Variants in TNKS observed in about 807,000 individuals in gnomAD.
The protein encoded by TNKS is poly [ADP-ribose] polymerase tankyrase-1.
TNKS carries 72 observed loss-of-function variants against 135.8 expected under a neutral mutation model. The ratio of observed to expected loss-of-function variants is 0.53; its 90% confidence interval spans 0.44 to 0.64. The LOEUF (loss-of-function observed/expected upper bound fraction) is 0.64. TNKS is among the 30% of genes least tolerant of loss of function. The pLI is 0.00. For synonymous variants in TNKS, 849 were observed against 649.3 expected (o/e 1.31, Z -4.68); for missense variants, 1,769 against 1,674.0 (o/e 1.06, Z -0.99).
At chr8:9,648,338 G>A (rs1452691547) in intron 3 of TNKS, among the ~76,000 whole-genome samples, 2 of 151,580 alleles carry the variant, frequency 1.3e-5, no homozygotes, top group South Asian at 4.2e-4. Flanking sequence ...AAAACACATT[G>A]TACAGCTGTA....
intron 12 of TNKS, among the ~76,000 whole-genome samples, chr8:9,723,172 G>A (rs1401840911): frequency 7.1e-6 from 1 of 141,826 alleles, no homozygotes. Flanking sequence ...TTTTTGTAAT[G>A]GGAATTGTTT....
At chr8:9,661,652 A>T (rs1017392972) in intron 3 of TNKS, among the ~76,000 whole-genome samples, 3 of 152,212 alleles carry the variant, frequency 2.0e-5, no homozygotes, top group Non-Finnish European at 4.4e-5. Context: ...CCTAGGCAAT[A>T]CCATTCGGGA....
At chr8:9,615,358 A>G in intron 2 of TNKS, 1 of 359,948 alleles carries the variant, frequency 2.8e-6, no homozygotes, top group East Asian at 4.7e-5. Flanking sequence ...CATGTTTATG[A>G]TGTTAAGTCA....
At chr8:9,736,350 T>TAAAAAAAAAAAAAAAAAAAAA (rs1204895063) in intron 17 of TNKS, among the ~76,000 whole-genome samples, 1 of 87,472 alleles carries the variant, frequency 1.1e-5, no homozygotes, top group African/African-American at 4.2e-5. Context: ...AGACCTCATC[T>TAAAAAAAAAAAAAAAAAAAAA]AAAAAAAAAA....
intron 2 of TNKS, among the ~76,000 whole-genome samples, chr8:9,583,584 G>T (rs1474233896): frequency 6.6e-6 from 1 of 151,944 alleles, no homozygotes; most frequent in Non-Finnish European, 1.5e-5. Context: ...TGCCTCCTGG[G>T]TTCAAGTGAT....
intron 2 of TNKS, among the ~76,000 whole-genome samples, chr8:9,614,119 T>G (rs182561130): frequency 3.5e-4 from 54 of 152,328 alleles, no homozygotes; most frequent in African/African-American, 1.2e-3. Context: ...AGACCTTTTA[T>G]AAGCCAAATC....
At chr8:9,713,779 C>G (rs1804449616) in intron 11 of TNKS, among the ~76,000 whole-genome samples, 2 of 152,200 alleles carry the variant, frequency 1.3e-5, no homozygotes, top group Admixed American at 1.3e-4. Flanking sequence ...GTTGGTGTAT[C>G]TGGTGATTAA....
intron 3 of TNKS, among the ~76,000 whole-genome samples, chr8:9,622,125 TATG>T (rs1799889302): frequency 2.0e-5 from 3 of 152,242 alleles, no homozygotes; most frequent in Non-Finnish European, 4.4e-5. Flanking sequence ...ATTTTTAAAA[TATG>T]AAGACAATTT....
At chr8:9,652,611 C>A (rs1309892903) in intron 3 of TNKS, among the ~76,000 whole-genome samples, 1 of 152,064 alleles carries the variant, frequency 6.6e-6, no homozygotes, top group Non-Finnish European at 1.5e-5. Context: ...AATATTAATT[C>A]TTTTCATCAA....
At chr8:9,559,244 T>C (rs1797225759) in intron 1 of TNKS, among the ~76,000 whole-genome samples, 1 of 152,164 alleles carries the variant, frequency 6.6e-6, no homozygotes, top group African/African-American at 2.4e-5. Context: ...ATACTGTCTG[T>C]CCCAATATGT....
chr8:9,665,491 C>T (rs1801942921), intron 3 of TNKS, among the ~76,000 whole-genome samples: 3 of 152,156 alleles, frequency 2.0e-5, no homozygotes, highest in South Asian at 4.1e-4. Flanking sequence ...TCACCAATGC[C>T]TTTGGTCCCT....
chr8:9,665,707 A>T (rs561804799), intron 3 of TNKS, among the ~76,000 whole-genome samples: 1 of 152,128 alleles, frequency 6.6e-6, no homozygotes, highest in Non-Finnish European at 1.5e-5. Context: ...GTTAACCTCT[A>T]CTGGTCTCTT....
At chr8:9,633,455 C>G (rs1800374217) in intron 3 of TNKS, among the ~76,000 whole-genome samples, 1 of 152,140 alleles carries the variant, frequency 6.6e-6, no homozygotes, top group Non-Finnish European at 1.5e-5. Context: ...AAACAAAGTA[C>G]AAAAGATTGT....
At chr8:9,752,706 C>G (rs374584986) in intron 20 of TNKS, 80 bp downstream of exon 20, 52 of 968,640 alleles carry the variant, frequency 5.4e-5, no homozygotes, top group East Asian at 3.0e-4. Flanking sequence ...CACCTTACTC[C>G]CAACACTTTG....
chr8:9,603,652 A>C (rs572308664), intron 2 of TNKS, among the ~76,000 whole-genome samples: 5 of 152,230 alleles, frequency 3.3e-5, no homozygotes, highest in Non-Finnish European at 5.9e-5. Flanking sequence ...TAGGCTGTAC[A>C]TGATATGATG....
rs745358346 is a variant in TNKS, at chr8:9,556,183, G to A, written c.244G>A (p.Asp82Asn). The A allele has an allele frequency of 6.2e-7, 1 of 1,613,008 alleles. No individual in the cohort carries two copies. Among genetic ancestry groups the A allele is most frequent in the East Asian group, 2.2e-5 (1 of 44,854 alleles). Residue 82 changes from aspartate to asparagine, a missense_variant, in exon 1 of 27, where the codon GAC (aspartate) becomes AAC (asparagine). Physicochemically the swap from Asp to Asn is conservative, Grantham distance 23. Transcript: ENST00000310430. ...RDPPDRPRSP[D>N]PVDGTSCCST... is the part of the protein sequence containing the mutation. ...TCCGCCCGACAGGCCCCGATCCCCG[G>A]ACCCGGTTGACGGTACCAGCTGTTG...
intron 5 of TNKS, among the ~76,000 whole-genome samples, chr8:9,687,699 C>T (rs1316766502): frequency 6.6e-6 from 1 of 152,138 alleles, no homozygotes; most frequent in Non-Finnish European, 1.5e-5. Context: ...TAGCCACTCT[C>T]CTAGCTTTGA....
chr8:9,664,432 C>CA (rs1302997693), intron 3 of TNKS, among the ~76,000 whole-genome samples: 1 of 152,196 alleles, frequency 6.6e-6, no homozygotes, highest in Non-Finnish European at 1.5e-5. Flanking sequence ...CTCCATGACT[C>CA]AGACACCTCT....
chr8:9,632,196 T>G (rs1800317274), intron 3 of TNKS, among the ~76,000 whole-genome samples: 1 of 152,240 alleles, frequency 6.6e-6, no homozygotes, highest in Admixed American at 6.5e-5. Context: ...AAAGTTGTAC[T>G]TTAAACCACT....
Sources: allele counts gnomAD v4.1 joint callset (sites outside exome capture counted in the v4.1 genomes callset), GRCh38; gene constraint gnomAD v4.1.1; transcripts MANE v1.5; gene names NCBI Gene and HGNC (gene_info 2026-07-23, HGNC 2026-07-21).